The following NPNT variants were observed in gnomAD, a reference collection of about 807,000 sequenced individuals.
NPNT encodes the protein preosteoblast EGF-like repeat protein with MAM domain.
In NPNT, 45 loss-of-function variants were observed where a neutral mutation model predicts 68.6. That is an observed-to-expected ratio of 0.66 (90% CI 0.52 to 0.84). NPNT has a LOEUF of 0.84. Ranked by LOEUF, NPNT falls within the 40% of genes least tolerant of loss-of-function variation. NPNT has a pLI of 0.00. For missense variants in NPNT, 672 were observed against 714.8 expected (o/e 0.94, Z 0.68); for synonymous variants, 233 against 253.3 (o/e 0.92, Z 0.76).
At position 105,967,374 on chromosome 4, in the gene NPNT, T is replaced by C. The variant is rs139383881; in HGVS notation, c.1532T>C (p.Leu511Pro). The change falls in exon 11 of 12, where the codon CTG becomes CCG. Residue 511 changes from leucine to proline, a missense_variant. Physicochemically the swap from Leu to Pro is moderately conservative, Grantham distance 98. Coordinates refer to ENST00000379987, the MANE Select transcript of NPNT (RefSeq NM_001033047.3). Reference protein sequence around the residue: ...VRKHGAHGAALWGRNGGHGWR... With the variant: ...VRKHGAHGAAPWGRNGGHGWR... ...AAACACGGTGCCCACGGAGCAGCCC[T>C]GTGGGGAAGAAATGGTGGCCATGGC... The C allele has an allele frequency of 3.5e-4, 563 of 1,606,914 alleles. 7 individuals carry two copies. The South Asian group carries it at 6.0e-3, about 17-fold the overall frequency.
chr4:105,898,770 T>C (rs1726166298), intron 2 of NPNT, among the ~76,000 whole-genome samples: 1 of 152,116 alleles, frequency 6.6e-6, no homozygotes, highest in African/African-American at 2.4e-5. Context: ...GTTTGAGAAA[T>C]TTAGGAAATT....
intron 2 of NPNT, among the ~76,000 whole-genome samples, chr4:105,905,944 C>T (rs1206033164): frequency 1.3e-5 from 2 of 152,178 alleles, no homozygotes; most frequent in East Asian, 3.9e-4. Context: ...TTAGAAGATA[C>T]CTTAAAAGAT....
chr4:105,966,953 G>T (rs1056813845), intron 10 of NPNT, among the ~76,000 whole-genome samples: 2 of 152,090 alleles, frequency 1.3e-5, no homozygotes, highest in African/African-American at 4.8e-5. Context: ...ACTAATTATT[G>T]TGTGTCTCTG....
chr4:105,895,905 C>T lies in NPNT; in HGVS notation c.71+182C>T, dbSNP rs540308620. The T allele has an allele frequency of 2.2e-5, 13 of 591,516 alleles. No homozygotes were observed. The East Asian group carries it at 4.0e-4, about 18-fold the overall frequency. The allele number at this position is 591,516 out of a possible 1,614,324, so 36.6% of individuals were successfully genotyped here. A position where few individuals can be genotyped will look rare whatever the true frequency, so the allele number is the denominator to read the frequency against. ...AGCGGCTCCGAGTGCCCGCCCGAGG[C>T]GGAGAGGGCGCGCCCTTGCGAGTCT... On this transcript the variant is annotated intron_variant, in intron 1 of 11. Coordinates refer to ENST00000379987, the MANE Select transcript of NPNT (RefSeq NM_001033047.3).
At chr4:105,933,045 A>G (rs916682010) in intron 3 of NPNT, among the ~76,000 whole-genome samples, 14 of 152,346 alleles carry the variant, frequency 9.2e-5, no homozygotes, top group Non-Finnish European at 1.5e-4. Context: ...GCCTTTTGCC[A>G]AGGAGATTTT....
In NPNT at chr4:105,938,390, C is replaced by A. The variant is rs1729665259; in HGVS notation, c.475C>A (p.Gln159Lys). ...GTGCCAGTGCCCATCCCCTGGCCTG[C>A]AGCTGGCTCCTGATGGGAGGACCTG... is the stretch of plus-strand genomic sequence containing the variant. ...IRCQCPSPGL[Q>K]LAPDGRTCVD... Residue 159 changes from glutamine to lysine, a missense_variant, in exon 5 of 12, where the codon CAG becomes AAG. Transcript: ENST00000379987. 1 of 1,613,584 alleles carries A rather than the reference C, an allele frequency of 6.2e-7. No homozygotes were observed. Among genetic ancestry groups the A allele is most frequent in the Non-Finnish European group, 8.5e-7 (1 of 1,179,678 alleles).
chr4:105,916,386 ATT>A (rs1002048993), intron 2 of NPNT, among the ~76,000 whole-genome samples: 12 of 141,782 alleles, frequency 8.5e-5, no homozygotes, highest in African/African-American at 1.0e-4. Flanking sequence ...TGCCCATATA[ATT>A]TTTTTTTTTT....
chr4:105,966,690 G>A (rs1732168108), intron 10 of NPNT, among the ~76,000 whole-genome samples: 1 of 151,666 alleles, frequency 6.6e-6, no homozygotes, highest in South Asian at 2.1e-4. Context: ...TTTAAGTTGG[G>A]GGAGGAGAGA....
intron 5 of NPNT, 144 bp from the exon 6 acceptor site, chr4:105,939,931 C>A: frequency 3.1e-6 from 2 of 646,912 alleles, no homozygotes; most frequent in Non-Finnish European, 2.6e-6. Flanking sequence ...ATTTATGTTG[C>A]CTGTAGGGAC....
chr4:105,948,240 G>A (rs1424245279), intron 8 of NPNT, among the ~76,000 whole-genome samples: 1 of 152,060 alleles, frequency 6.6e-6, no homozygotes, highest in Non-Finnish European at 1.5e-5. Context: ...CATAGAAAAG[G>A]AATATGAAAA....
intron 8 of NPNT, among the ~76,000 whole-genome samples, chr4:105,958,248 T>C (rs1432017759): frequency 6.6e-6 from 1 of 152,216 alleles, no homozygotes; most frequent in Non-Finnish European, 1.5e-5. Flanking sequence ...TTAGAAACTT[T>C]TGAAAATCAT....
intron 10 of NPNT, among the ~76,000 whole-genome samples, chr4:105,964,250 A>G (rs1220309377): frequency 6.6e-6 from 1 of 152,216 alleles, no homozygotes; most frequent in Non-Finnish European, 1.5e-5. Flanking sequence ...GCTGGCTGCT[A>G]TTCCATTACT....
intron 2 of NPNT, among the ~76,000 whole-genome samples, chr4:105,922,485 T>A (rs564935468): frequency 6.6e-6 from 1 of 151,648 alleles, no homozygotes; most frequent in Non-Finnish European, 1.5e-5. Context: ...CCTCCCAGGT[T>A]GAAATGATTC....
At chr4:105,908,053 GTTA>G (rs1727058980) in intron 2 of NPNT, among the ~76,000 whole-genome samples, 1 of 151,986 alleles carries the variant, frequency 6.6e-6, no homozygotes, top group Non-Finnish European at 1.5e-5. Context: ...AAATCAACCT[GTTA>G]TTCTTAACTC....
At chr4:105,908,762 A>G (rs1021910828) in intron 2 of NPNT, among the ~76,000 whole-genome samples, 1 of 152,072 alleles carries the variant, frequency 6.6e-6, no homozygotes, top group African/African-American at 2.4e-5. Context: ...ACAGGGTTTT[A>G]CCATGTTAGG....
At chr4:105,949,638 T>C (rs1020259758) in intron 8 of NPNT, among the ~76,000 whole-genome samples, 4 of 152,214 alleles carry the variant, frequency 2.6e-5, no homozygotes, top group Non-Finnish European at 5.9e-5. Flanking sequence ...AGAAAAACTT[T>C]CTGCAGAACC....
intron 2 of NPNT, among the ~76,000 whole-genome samples, chr4:105,914,252 G>A (rs1476235813): frequency 6.8e-6 from 1 of 147,196 alleles, no homozygotes; most frequent in Non-Finnish European, 1.5e-5. Flanking sequence ...AGTATATACT[G>A]ATAGTGAGTG....
intron 2 of NPNT, among the ~76,000 whole-genome samples, chr4:105,901,802 C>T (rs1005533856): frequency 6.6e-6 from 1 of 152,134 alleles, no homozygotes; most frequent in African/African-American, 2.4e-5. Flanking sequence ...TTATCGGCTT[C>T]AGATAAACTT....
intron 2 of NPNT, among the ~76,000 whole-genome samples, chr4:105,915,707 T>C (rs1249412181): frequency 6.6e-6 from 1 of 152,198 alleles, no homozygotes; most frequent in Non-Finnish European, 1.5e-5. Flanking sequence ...CAGATAATGA[T>C]TTCAATTTTG....
Sources: allele counts gnomAD v4.1 joint callset (sites outside exome capture counted in the v4.1 genomes callset), GRCh38; gene constraint gnomAD v4.1.1; transcripts MANE v1.5; gene names NCBI Gene and HGNC (gene_info 2026-07-23, HGNC 2026-07-21).